HTD2: variants seen among roughly 807,000 people sequenced by gnomAD.
The protein encoded by HTD2 is hydroxyacyl-thioester dehydratase type 2, mitochondrial.
Under a neutral mutation model 3.1 loss-of-function variants are expected in HTD2, and 1 was observed. The observed-to-expected ratio is 0.32, with a 90% confidence interval of 0.11 to 1.52. The LOEUF is 1.52. HTD2 is among the 40% of genes most tolerant of loss of function. The pLI, the probability that HTD2 is intolerant of heterozygous loss-of-function variation, is 0.39. For synonymous variants in HTD2, 50 were observed against 28.9 expected (o/e 1.73, Z -2.34); for missense variants, 150 against 79.6 (o/e 1.88, Z -3.36).
At chr3:58,310,294 C>A (rs368000250) in intron 1 of HTD2, 65 of 1,590,396 alleles carry the variant, frequency 4.1e-5, no homozygotes, top group Non-Finnish European at 5.5e-5. Flanking sequence ...TTCTAGCCCT[C>A]TTGACTTACT....
chr3:58,312,518 A>G (rs1259108200), intron 2 of HTD2, among the ~76,000 whole-genome samples: 1 of 152,166 alleles, frequency 6.6e-6, no homozygotes, highest in Non-Finnish European at 1.5e-5. Context: ...GGTTTATTCT[A>G]ATATGCCTTC....
At chr3:58,314,605 A>C (rs566717071) in intron 2 of HTD2, among the ~76,000 whole-genome samples, 1 of 152,128 alleles carries the variant, frequency 6.6e-6, no homozygotes, top group East Asian at 1.9e-4. Flanking sequence ...AATGCAAAGA[A>C]ACTAGATCAC....
At chr3:58,312,741 A>G (rs779360224) in intron 2 of HTD2, among the ~76,000 whole-genome samples, 3 of 152,004 alleles carry the variant, frequency 2.0e-5, no homozygotes, top group Non-Finnish European at 4.4e-5. Context: ...TGAGCAGATC[A>G]CTTACAGTCA....
chr3:58,308,640 C>T (rs1479932109), intron 1 of HTD2, among the ~76,000 whole-genome samples: 1 of 152,166 alleles, frequency 6.6e-6, no homozygotes, highest in Non-Finnish European at 1.5e-5. Flanking sequence ...CTCCAGAGGT[C>T]ATCATCTGGG....
At chr3:58,311,020 T>G (rs2097481645) in intron 2 of HTD2, among the ~76,000 whole-genome samples, 1 of 152,196 alleles carries the variant, frequency 6.6e-6, no homozygotes, top group Admixed American at 6.5e-5. Context: ...TTTTATTCAT[T>G]TATTGTAATA....
rs1489895179 is a variant in HTD2, at chr3:58,306,576, CCGCAGAACGTGGCCGAGAGGCCCGGG to C, written c.-488_-463del. 5 of 152,098 alleles carry C rather than the reference CCGCAGAACGTGGCCGAGAGGCCCGGG, an allele frequency of 3.3e-5. No homozygotes were observed. The highest frequency in any genetic ancestry group is 1.2e-4 in the African/African-American group (5 of 41,362). 9.4% of individuals were successfully genotyped at this position (152,098 alleles called of 1,614,324 possible). A position where few individuals can be genotyped will look rare whatever the true frequency, so the allele number is the denominator to read the frequency against. ...TGTACGGCGCCGCGTAGGGTCTCGG[CCGCAGAACGTGGCCGAGAGGCCCGGG>C]CGAGACTTCGGGACCGTGTCCTGAG... On this transcript the variant is annotated 5_prime_UTR_variant, in exon 1 of 5. Transcript: ENST00000461393.
intron 2 of HTD2, among the ~76,000 whole-genome samples, chr3:58,311,636 T>A (rs985417741): frequency 5.3e-5 from 8 of 152,082 alleles, no homozygotes; most frequent in South Asian, 2.1e-4. Flanking sequence ...TTTTTTTTTT[T>A]ATCCATTGAT....
chr3:58,317,490 G>A lies in HTD2; in HGVS notation c.-124G>A, dbSNP rs541602133. On this transcript the variant is annotated 5_prime_UTR_variant, in exon 5 of 5. Transcript: ENST00000461393. The stretch of plus-strand genomic sequence containing the variant: ...CTGGTAATAGTAGGGAACTAGTATT[G>A]GATTGAATGAATAGTCTTCCATTTT... The A allele has an allele frequency of 1.1e-5, 17 of 1,579,648 alleles. No individual in the cohort carries two copies. Among genetic ancestry groups the A allele is most frequent in the Middle Eastern group, 1.7e-4 (1 of 6,000 alleles).
At chr3:58,314,675 ATTTTTTTT>A (rs751757663) in intron 2 of HTD2, among the ~76,000 whole-genome samples, 70 of 90,584 alleles carry the variant, frequency 7.7e-4, no homozygotes, top group South Asian at 7.3e-3. Context: ...GTTTGGCAGT[ATTTTTTTT>A]TTTTTTTTTT....
intron 1 of HTD2, chr3:58,310,196 G>GA: frequency 1.4e-6 from 1 of 735,108 alleles, no homozygotes; most frequent in Non-Finnish European, 2.3e-6. Flanking sequence ...GACAGGGTGA[G>GA]ACCCTGCCTT....
At chr3:58,312,384 C>T (rs770289114) in intron 2 of HTD2, among the ~76,000 whole-genome samples, 4 of 145,390 alleles carry the variant, frequency 2.8e-5, no homozygotes, top group South Asian at 2.4e-4. Context: ...CTCAGCCTCC[C>T]GAGTAGCTGA....
In HTD2 at chr3:58,316,479, G is replaced by A. The variant is rs776619407; in HGVS notation, c.-330-36G>A. On this transcript the variant is annotated intron_variant, in intron 2 of 4. Coordinates refer to ENST00000461393, the MANE Select transcript of HTD2 (RefSeq NM_001348712.2). ...TTGACAAGCATTCAAGAATAATGGT[G>A]AGAATAGCCTGCTAATAGCATTATT... 6.4e-6 allele frequency: 10 copies of A among 1,565,340 alleles called. No homozygotes were observed. In the East Asian group the frequency reaches 1.3e-4, roughly 21 times the overall value.
chr3:58,310,479 TGA>T (rs2097480955), intron 1 of HTD2, 26 bp from the exon 2 acceptor site: 1 of 1,562,994 alleles, frequency 6.4e-7, no homozygotes, highest in African/African-American at 1.5e-5. Flanking sequence ...AAATTTAATA[TGA>T]CTTTTTTTTT....
At chr3:58,314,034 C>T (rs2097485220) in intron 2 of HTD2, among the ~76,000 whole-genome samples, 1 of 152,142 alleles carries the variant, frequency 6.6e-6, no homozygotes, top group South Asian at 2.1e-4. Context: ...GCAGCCTGGT[C>T]AACAGAACAA....
intron 2 of HTD2, among the ~76,000 whole-genome samples, chr3:58,312,332 G>GCAC (rs1553724603): frequency 1.2e-5 from 1 of 85,328 alleles, no homozygotes; most frequent in African/African-American, 4.1e-5. Flanking sequence ...CACAACCTCC[G>GCAC]CACCCCCCCC....
At chr3:58,307,017 G>T (rs528455189) in intron 1 of HTD2, among the ~76,000 whole-genome samples, 1 of 152,374 alleles carries the variant, frequency 6.6e-6, no homozygotes, top group South Asian at 2.1e-4. Flanking sequence ...AGCCAGGAAG[G>T]GGGCAAGGGT....
At chr3:58,316,640 A>T in intron 3 of HTD2, 49 bp downstream of exon 3, 1 of 1,488,832 alleles carries the variant, frequency 6.7e-7, no homozygotes, top group Non-Finnish European at 9.4e-7. Flanking sequence ...AGAGAGACCG[A>T]TGGAGCAAAA....
In HTD2 at chr3:58,318,263, C is replaced by A; in HGVS notation, c.*143C>A. ...GGAAGGGAGCAGGAAGAGGGTTGTT[C>A]AAATGCCCACTTTCCAGTTTGGCCT... On this transcript the variant is annotated 3_prime_UTR_variant, in exon 5 of 5. Coordinates refer to ENST00000461393, the MANE Select transcript of HTD2 (RefSeq NM_001348712.2). 1.8e-6 allele frequency: 1 copy of A among 558,030 alleles called. No individual in the cohort carries two copies. 34.6% of individuals were successfully genotyped at this position (558,030 alleles called of 1,614,324 possible). A position where few individuals can be genotyped will look rare whatever the true frequency, so the allele number is the denominator to read the frequency against.
At chr3:58,313,527 T>C (rs1186923952) in intron 2 of HTD2, among the ~76,000 whole-genome samples, 1 of 152,128 alleles carries the variant, frequency 6.6e-6, no homozygotes, top group Admixed American at 6.5e-5. Context: ...AAAAGACTCT[T>C]AAGAGGATGA....
Sources: allele counts gnomAD v4.1 joint callset (sites outside exome capture counted in the v4.1 genomes callset), GRCh38; gene constraint gnomAD v4.1.1; transcripts MANE v1.5; gene names NCBI Gene and HGNC (gene_info 2026-07-23, HGNC 2026-07-21).